RBM25: variants seen among roughly 807,000 people sequenced by gnomAD.
RBM25 encodes the protein RNA-binding protein 25.
Under a neutral mutation model 120.7 loss-of-function variants are expected in RBM25, and 19 were observed. The observed-to-expected ratio is 0.16, with a 90% confidence interval of 0.11 to 0.23. The LOEUF is 0.23. Among genes scored for constraint, RBM25 ranks in the 10% least tolerant of loss-of-function variants. RBM25 has a pLI of 1.00. For missense variants in RBM25, 605 were observed against 1,041.5 expected (o/e 0.58, Z 5.77); for synonymous variants, 390 against 326.7 (o/e 1.19, Z -2.09).
chr14:73,111,331 G>C (rs1488203496), intron 15 of RBM25, 176 bp downstream of exon 15: 1 of 830,496 alleles, frequency 1.2e-6, no homozygotes. Context: ...TCCTATATCT[G>C]CAGCTGCCTC....
intron 1 of RBM25, among the ~76,000 whole-genome samples, chr14:73,067,067 ATT>A (rs375705058): frequency 1.4e-4 from 19 of 131,152 alleles, no homozygotes; most frequent in East Asian, 2.1e-4. Context: ...GATACATATA[ATT>A]TTTTTTTTTT....
At chr14:73,087,324 C>T (rs1895709370) in intron 5 of RBM25, among the ~76,000 whole-genome samples, 1 of 146,938 alleles carries the variant, frequency 6.8e-6, no homozygotes, top group Admixed American at 7.0e-5. Context: ...GTTTGTGTTC[C>T]TGCAGTCTGT....
At chr14:73,094,521 C>T (rs1042865223) in intron 6 of RBM25, among the ~76,000 whole-genome samples, 1 of 151,450 alleles carries the variant, frequency 6.6e-6, no homozygotes, top group African/African-American at 2.4e-5. Flanking sequence ...GATATTGGCT[C>T]ACTGCAATCT....
At chr14:73,064,795 C>T (rs1863231192) in intron 1 of RBM25, among the ~76,000 whole-genome samples, 1 of 151,072 alleles carries the variant, frequency 6.6e-6, no homozygotes, top group African/African-American at 2.4e-5. Context: ...GTTTTGGCAG[C>T]TCCAAATAAA....
intron 2 of RBM25, among the ~76,000 whole-genome samples, chr14:73,075,331 G>A (rs1895392180): frequency 6.6e-6 from 1 of 151,868 alleles, no homozygotes; most frequent in Non-Finnish European, 1.5e-5. Context: ...GCTAATTTTT[G>A]TATTTTTAGT....
chr14:73,089,447 C>T (rs940829376), intron 6 of RBM25, among the ~76,000 whole-genome samples: 3 of 151,976 alleles, frequency 2.0e-5, no homozygotes, highest in Non-Finnish European at 2.9e-5. Flanking sequence ...CTCTGCCTCC[C>T]GTGTTCAGGT....
At chr14:73,075,578 C>G (rs2140430442) in intron 2 of RBM25, among the ~76,000 whole-genome samples, 2 of 152,236 alleles carry the variant, frequency 1.3e-5, no homozygotes, top group East Asian at 3.9e-4. Flanking sequence ...CTTTATTTGA[C>G]AAAATTTTAT....
intron 10 of RBM25, 94 bp downstream of exon 10, chr14:73,103,572 T>C: frequency 1.3e-6 from 2 of 1,483,068 alleles, no homozygotes. Flanking sequence ...GAATGAGAAC[T>C]TTTGTGTGTG....
At chr14:73,069,198 C>T (rs1030401562) in intron 1 of RBM25, among the ~76,000 whole-genome samples, 3 of 152,196 alleles carry the variant, frequency 2.0e-5, no homozygotes, top group Admixed American at 6.5e-5. Context: ...GCCACCATCC[C>T]GGCTTGGAAT....
At chr14:73,063,124 G>T (rs942263138) in intron 1 of RBM25, among the ~76,000 whole-genome samples, 1 of 150,780 alleles carries the variant, frequency 6.6e-6, no homozygotes, top group African/African-American at 2.4e-5. Context: ...ACCTGGCCCA[G>T]GTTCCTGTTT....
Position 73,107,633 on chromosome 14 carries a change from C to G in RBM25, c.1468-193C>G, listed in dbSNP as rs8012714. On this transcript the variant is annotated intron_variant, in intron 12 of 18. Transcript: ENST00000261973. The stretch of plus-strand genomic sequence containing the variant: ...ATAAATATGGTTTGAATTCTGGGAT[C>G]CAGGAGAAACTTTAGTTTCATTTAT... The G allele has an allele frequency of 2.3e-4, 121 of 525,008 alleles. 1 individual carries two copies. The highest frequency in any genetic ancestry group is 1.8e-3 in the African/African-American group (90 of 50,096). 32.5% of individuals were successfully genotyped at this position (525,008 alleles called of 1,614,324 possible).
intron 9 of RBM25, chr14:73,100,245 A>G: frequency 1.6e-6 from 1 of 642,152 alleles, no homozygotes. Context: ...GATGCATGGA[A>G]GAACTGTAAA....
rs139617799 is a variant in RBM25 at position 73,079,355 on chromosome 14, G to A, written c.324+1819G>A. On this transcript the variant is annotated intron_variant, in intron 4 of 18. Coordinates refer to ENST00000261973, the MANE Select transcript of RBM25 (RefSeq NM_021239.3). ...GGAGAATCATTTGAACCTGGGAGGC[G>A]GAGGTTGCAGTGAGTTGAGATGGCG... is the stretch of plus-strand genomic sequence containing the variant. Among the ~76,000 whole-genome samples the A allele has an allele frequency of 2.3e-3, 340 of 150,720 alleles. 4 individuals are homozygous for A. The highest frequency in any genetic ancestry group is 7.5e-3 in the African/African-American group (311 of 41,392).
chr14:73,099,895 A>G, intron 9 of RBM25, 145 bp downstream of exon 9: 1 of 1,250,620 alleles, frequency 8.0e-7, no homozygotes, highest in Non-Finnish European at 1.0e-6. Flanking sequence ...GAAAAAAGAA[A>G]CAGAAGACCA....
At chr14:73,083,651 CT>C (rs1895615968) in intron 5 of RBM25, 100 bp downstream of exon 5, 1 of 781,894 alleles carries the variant, frequency 1.3e-6, no homozygotes, top group Non-Finnish European at 1.9e-6. Flanking sequence ...ATCAGTAAGA[CT>C]TATTTTATTA....
intron 18 of RBM25, among the ~76,000 whole-genome samples, chr14:73,118,975 G>C (rs1896491046): frequency 2.0e-5 from 3 of 151,924 alleles, no homozygotes; most frequent in Non-Finnish European, 2.9e-5. Context: ...CGTCATGTTG[G>C]CCAGGCTGGT....
intron 5 of RBM25, 121 bp downstream of exon 5, chr14:73,083,672 G>A: frequency 1.7e-6 from 1 of 605,406 alleles, no homozygotes; most frequent in Non-Finnish European, 2.5e-6. Context: ...AGCACTCTTT[G>A]TCCTCTTTTT....
intron 1 of RBM25, among the ~76,000 whole-genome samples, chr14:73,063,243 G>A (rs989318961): frequency 6.0e-5 from 9 of 151,088 alleles, no homozygotes; most frequent in African/African-American, 1.7e-4. Context: ...TCCGCCTCCC[G>A]GGTTCACGCC....
intron 4 of RBM25, among the ~76,000 whole-genome samples, chr14:73,079,608 C>T (rs1895511663): frequency 1.3e-5 from 2 of 150,582 alleles, no homozygotes; most frequent in Non-Finnish European, 3.0e-5. Context: ...TTGCCATCCT[C>T]TGGAAATATT....
Sources: allele counts gnomAD v4.1 joint callset (sites outside exome capture counted in the v4.1 genomes callset), GRCh38; gene constraint gnomAD v4.1.1; transcripts MANE v1.5; gene names NCBI Gene and HGNC (gene_info 2026-07-23, HGNC 2026-07-21).